PCDHGA1: variants seen among roughly 807,000 people sequenced by gnomAD.
PCDHGA1 encodes the protein protocadherin gamma-A1.
In PCDHGA1, 32 loss-of-function variants were observed where a neutral mutation model predicts 58.0. The ratio of observed to expected loss-of-function variants is 0.55; its 90% CI spans 0.42 to 0.74. The LOEUF (loss-of-function observed/expected upper bound fraction) is 0.74, where lower values mean the gene tolerates loss of function less well. Among genes scored for constraint, PCDHGA1 ranks in the 30% least tolerant of loss-of-function variants. The pLI, the probability that PCDHGA1 is intolerant of heterozygous loss-of-function variation, is 0.00. For missense variants in PCDHGA1, 1,205 were observed against 1,182.3 expected (o/e 1.02, Z -0.28); for synonymous variants, 498 against 501.1 (o/e 0.99, Z 0.08).
chr5:141,396,628 A>G (rs1384822433), intron 1 of PCDHGA1: 2 of 152,210 alleles, frequency 1.3e-5, no homozygotes, highest in Non-Finnish European at 2.9e-5. Flanking sequence ...TCAAAAAAAA[A>G]AAAAACTAAT....
rs1197249074 is a variant in PCDHGA1 at position 141,438,579 on chromosome 5, CATACATACATACATATATAT to C, written c.2422-56224_2422-56205del. ...AAGAGGCAGCTGTCTGATATACATACATACATACATACATATATATATATATATATATATATATATATATA... is the reference window on the plus strand; with the variant it reads ...AAGAGGCAGCTGTCTGATATACATACATATATATATATATATATATATATA... On this transcript the variant is annotated intron_variant, in intron 1 of 3. Transcript: ENST00000517417. Among the ~76,000 whole-genome samples the C allele has an allele frequency of 5.3e-3, 298 of 55,734 alleles. 1 individual carries two copies. Among genetic ancestry groups the C allele is most frequent in the Admixed American group, 0.022 (77 of 3,542 alleles). The allele number at this position is 55,734 out of a possible 152,430, so 36.6% of individuals were successfully genotyped here.
chr5:141,400,803 A>G, intron 1 of PCDHGA1: 1 of 556,958 alleles, frequency 1.8e-6, no homozygotes, highest in South Asian at 2.5e-5. Context: ...CTCAAAGCTA[A>G]TGAATTTTAC....
intron 1 of PCDHGA1, chr5:141,355,859 C>T (rs1369885951): frequency 4.3e-6 from 7 of 1,612,322 alleles, no homozygotes; most frequent in Non-Finnish European, 5.9e-6. Flanking sequence ...GGAGGTGACC[C>T]GGTTCGCTCT....
chr5:141,367,060 T>C lies in PCDHGA1; in HGVS notation c.2421+33955T>C, dbSNP rs1764930481. 3 of 310,714 alleles carry C rather than the reference T, an allele frequency of 9.7e-6. No individual in the cohort carries two copies. In the Admixed American group the frequency reaches 1.4e-4, roughly 15 times the overall value. 19.2% of individuals were successfully genotyped at this position (310,714 alleles called of 1,614,324 possible). On this transcript the variant is annotated intron_variant, in intron 1 of 3. Coordinates refer to ENST00000517417, the MANE Select transcript of PCDHGA1 (RefSeq NM_018912.3). ...TTCTATTAATAGAAAAGATGTTTTA[T>C]TTATTCAAATTGTTAGATATATTGT...
intron 1 of PCDHGA1, chr5:141,375,811 G>T: frequency 6.2e-7 from 1 of 1,614,224 alleles, no homozygotes; most frequent in South Asian, 1.1e-5. Context: ...CTGGCGTGGA[G>T]CTGGCGCCCC....
intron 1 of PCDHGA1, chr5:141,395,843 A>T (rs570175269): frequency 2.0e-5 from 3 of 152,044 alleles, no homozygotes; most frequent in Non-Finnish European, 4.4e-5. Flanking sequence ...TTGGTGGGAG[A>T]TGAGACTGGT....
chr5:141,358,784 C>A (rs7722108), intron 1 of PCDHGA1, among the ~76,000 whole-genome samples: 8,101 of 152,166 alleles, frequency 0.053, 457 homozygotes, highest in African/African-American at 0.15. Flanking sequence ...GGTTGAGTTA[C>A]TTGGGTTCTG....
At chr5:141,482,611 G>T (rs1016481108) in intron 1 of PCDHGA1, among the ~76,000 whole-genome samples, 1 of 150,398 alleles carries the variant, frequency 6.6e-6, no homozygotes, top group Admixed American at 6.6e-5. Context: ...ACACCTAAAT[G>T]AGCCTGGAGA....
intron 1 of PCDHGA1, among the ~76,000 whole-genome samples, chr5:141,462,868 T>C (rs1232965498): frequency 6.6e-6 from 1 of 152,228 alleles, no homozygotes; most frequent in East Asian, 1.9e-4. Context: ...TTTGTCTTTC[T>C]TTAAGAACTA....
intron 1 of PCDHGA1, chr5:141,345,570 G>A (rs575051330): frequency 2.5e-6 from 4 of 1,614,152 alleles, no homozygotes; most frequent in East Asian, 4.5e-5. Flanking sequence ...CAACACTGGC[G>A]TCCTATACGC....
rs781336795 is a variant in PCDHGA1, at chr5:141,477,936, C to T, written c.2422-16871C>T. Reference sequence around the variant, plus strand: ...GATGCAGGGCACAATGCCTGGCTCTCCTACAGTCTCTTGGGATCCCCTAAC... The same window carrying T: ...GATGCAGGGCACAATGCCTGGCTCTTCTACAGTCTCTTGGGATCCCCTAAC... On this transcript the variant is annotated intron_variant, in intron 1 of 3. Transcript: ENST00000517417. This position sits in a 1 kb window ranked among gnomAD's most constrained non-coding sequence, Gnocchi z 4.9. 1.2e-6 allele frequency: 2 copies of T among 1,614,170 alleles called. No homozygotes were observed. The highest frequency in any genetic ancestry group is 1.1e-5 in the South Asian group (1 of 91,088).
chr5:141,403,952 C>T, intron 1 of PCDHGA1: 1 of 1,613,684 alleles, frequency 6.2e-7, no homozygotes, highest in Non-Finnish European at 8.5e-7. Flanking sequence ...GACAAAAGTG[C>T]TCATTTCGGT....
At chr5:141,395,542 T>TTGTG (rs55729045) in intron 1 of PCDHGA1, 55 of 172,626 alleles carry the variant, frequency 3.2e-4, no homozygotes, top group East Asian at 1.2e-3. Context: ...TTGCTATTGT[T>TTGTG]TGTGTGTGTG....
At chr5:141,343,316 T>A in intron 1 of PCDHGA1, 1 of 977,228 alleles carries the variant, frequency 1.0e-6, no homozygotes, top group Non-Finnish European at 1.2e-6. Flanking sequence ...GATTTCTGTG[T>A]GTTTCTTTTC....
At chr5:141,422,777 C>T in intron 1 of PCDHGA1, 1 of 1,613,982 alleles carries the variant, frequency 6.2e-7, no homozygotes, top group Non-Finnish European at 8.5e-7. Context: ...GTTCTCTATG[C>T]CCTACAATCC....
At position 141,389,758 on chromosome 5, in the gene PCDHGA1, G is replaced by T. The variant is rs201153580; in HGVS notation, c.2421+56653G>T. On this transcript the variant is annotated intron_variant, in intron 1 of 3. Transcript: ENST00000517417. Reference sequence around the variant, plus strand: ...CTGGGGCTGCGCACGGGCGAAGTGCGCACAGCGCGTGCCTTAGGCGACAGG... The same window carrying T: ...CTGGGGCTGCGCACGGGCGAAGTGCTCACAGCGCGTGCCTTAGGCGACAGG... The T allele has an allele frequency of 1.4e-4, 224 of 1,612,792 alleles. No homozygotes were observed. The African/African-American group carries it at 2.7e-3, about 19-fold the overall frequency.
At chr5:141,423,755 G>GT (rs542747697) in intron 1 of PCDHGA1, 5 of 512,416 alleles carry the variant, frequency 9.8e-6, no homozygotes, top group Admixed American at 7.1e-5. Context: ...CTGTTTGGGG[G>GT]GGGGGTGGGG....
At chr5:141,400,592 G>T in intron 1 of PCDHGA1, 1 of 1,603,196 alleles carries the variant, frequency 6.2e-7, no homozygotes, top group Non-Finnish European at 8.5e-7. Context: ...TGAAACTATC[G>T]TACATTTTCA....
intron 3 of PCDHGA1, 73 bp from the exon 4 acceptor site, chr5:141,510,874 G>A (rs1419164967): frequency 3.7e-6 from 6 of 1,610,008 alleles, no homozygotes; most frequent in Admixed American, 1.7e-5. Context: ...TTCATTAACT[G>A]CTGGGGATAT....
Sources: allele counts gnomAD v4.1 joint callset (sites outside exome capture counted in the v4.1 genomes callset), GRCh38; gene constraint gnomAD v4.1.1; non-coding constraint Gnocchi (gnomAD v3.1); transcripts MANE v1.5; gene names NCBI Gene and HGNC (gene_info 2026-07-23, HGNC 2026-07-21).